The following RYR1 variants were observed in gnomAD, a reference collection of about 807,000 sequenced individuals.
RYR1 encodes ryanodine receptor 1.
RYR1 carries 342 observed loss-of-function variants against 583.5 expected under a neutral mutation model. The observed-to-expected ratio is 0.59, with a 90% CI of 0.54 to 0.64. RYR1 has a LOEUF of 0.64. RYR1 is among the 30% of genes least tolerant of loss of function. The pLI, the probability that RYR1 is intolerant of heterozygous loss-of-function variation, is 0.00. For missense variants in RYR1, 6,032 were observed against 6,917.2 expected (o/e 0.87, Z 4.54); for synonymous variants, 2,791 against 2,822.5 (o/e 0.99, Z 0.35).
At chr19:38,491,449 T>TTTTG (rs1969546739) in intron 37 of RYR1, among the ~76,000 whole-genome samples, 1 of 149,420 alleles carries the variant, frequency 6.7e-6, no homozygotes, top group African/African-American at 2.5e-5. Flanking sequence ...TTTTTTTTTT[T>TTTTG]GAGACGGTCT....
intron 91 of RYR1, among the ~76,000 whole-genome samples, chr19:38,566,556 TGTGGGAATGAA>T (rs1474173420): frequency 6.7e-6 from 1 of 150,100 alleles, no homozygotes; most frequent in Non-Finnish European, 1.5e-5. Flanking sequence ...AGATACTCGT[TGTGGGAATGAA>T]GTACACCGTG....
At chr19:38,535,079 G>A (rs1056547043) in intron 79 of RYR1, 62 bp from the exon 80 acceptor site, 43 of 1,537,952 alleles carry the variant, frequency 2.8e-5, no homozygotes, top group African/African-American at 5.4e-5. Context: ...GCTGTTTTCT[G>A]GTGGGTGGAA....
Position 38,442,334 on chromosome 19 carries a change from C to A in RYR1, c.166-15C>A, listed in dbSNP as rs943405475. 6 of 1,571,852 alleles carry A rather than the reference C, an allele frequency of 3.8e-6. No individual in the cohort carries two copies. Among genetic ancestry groups the A allele is most frequent in the Non-Finnish European group, 5.3e-6 (6 of 1,141,818 alleles). On this transcript the variant is annotated splice_polypyrimidine_tract_variant and intron_variant, in intron 2 of 105. Coordinates refer to ENST00000359596, the MANE Select transcript of RYR1 (RefSeq NM_000540.3). ...GGTCTTCTGACCCCTCACTTACATC[C>A]CCCTCCCACCCCAGAATGTGCCCCC...
intron 12 of RYR1, 136 bp downstream of exon 12, chr19:38,452,021 G>A (rs1360298739): frequency 1.6e-6 from 2 of 1,238,692 alleles, no homozygotes; most frequent in East Asian, 2.5e-5. Flanking sequence ...AAGCGCAGTG[G>A]CTCACACCTG....
rs1600649884 is a variant in RYR1 at position 38,446,524 on chromosome 19, GTGTC to G, written c.687_690del (p.Cys229Ter). ...GCCTCTTTCATGGACATATGGATGA[GTGTC>G]TGACCATTTCCCCTGCTGACAGTGA... On this transcript the variant is annotated frameshift_variant, in exon 8 of 106. Coordinates refer to ENST00000359596, the MANE Select transcript of RYR1 (RefSeq NM_000540.3). LOFTEE classifies it high-confidence loss of function. The G allele has an allele frequency of 1.2e-6, 2 of 1,614,232 alleles. No individual in the cohort carries two copies. Among genetic ancestry groups the G allele is most frequent in the East Asian group, 2.2e-5 (1 of 44,890 alleles).
chr19:38,560,729 CAAAAA>C (rs765130460), intron 89 of RYR1, among the ~76,000 whole-genome samples: 9 of 38,076 alleles, frequency 2.4e-4, no homozygotes, highest in Non-Finnish European at 3.8e-4. Context: ...AACTCCGTCT[CAAAAA>C]AAAAAAAAAA....
At chr19:38,443,517 C>T (rs537273173) in intron 3 of RYR1, 41 bp from the exon 4 acceptor site, 38 of 1,577,140 alleles carry the variant, frequency 2.4e-5, no homozygotes, top group South Asian at 2.4e-4. Flanking sequence ...CTGGAGAGTC[C>T]GGGGATCTGT....
chr19:38,446,775 C>T lies in RYR1; in HGVS notation c.800+7C>T, dbSNP rs762118960. ...TGGAGCCACTGAGAATCAGGTAGGG[C>T]GGGGAAGATGGGGAGAGACCAGGGA... On this transcript the variant is annotated splice_region_variant and intron_variant, in intron 9 of 105. Coordinates refer to ENST00000359596, the MANE Select transcript of RYR1 (RefSeq NM_000540.3). The T allele has an allele frequency of 2.2e-5, 35 of 1,611,898 alleles. No individual in the cohort carries two copies. Among genetic ancestry groups the T allele is most frequent in the South Asian group, 1.4e-4 (13 of 91,014 alleles).
chr19:38,455,051 G>A (rs1967292572), intron 13 of RYR1, among the ~76,000 whole-genome samples, 184 bp from the exon 14 acceptor site: 1 of 152,098 alleles, frequency 6.6e-6, no homozygotes, highest in Non-Finnish European at 1.5e-5. Flanking sequence ...AATAGATATG[G>A]GGAGCCAAGG....
chr19:38,578,993 C>T (rs1974080196), intron 99 of RYR1, among the ~76,000 whole-genome samples: 1 of 151,918 alleles, frequency 6.6e-6, no homozygotes, highest in South Asian at 2.1e-4. Flanking sequence ...TGGTGGTGCA[C>T]ACCTGTAGTC....
chr19:38,455,131 C>T, intron 13 of RYR1, 104 bp from the exon 14 acceptor site: 12 of 1,349,690 alleles, frequency 8.9e-6, no homozygotes, highest in South Asian at 1.2e-5. Flanking sequence ...TGGGAACACA[C>T]CGTCACTAGT....
chr19:38,561,519 C>G lies in RYR1; in HGVS notation c.12624+65C>G. On this transcript the variant is annotated intron_variant, in intron 90 of 105. Transcript: ENST00000359596. This position sits in a 1 kb window ranked among gnomAD's most constrained non-coding sequence, Gnocchi z 4.8. ...CTTCGGGCATGCGGGTGCTCACTTCCTGCACCCTCAGACCCCACGGGGGCT... is the reference window on the plus strand; with the variant it reads ...CTTCGGGCATGCGGGTGCTCACTTCGTGCACCCTCAGACCCCACGGGGGCT... 6.7e-7 allele frequency: 1 copy of G among 1,485,714 alleles called. No individual in the cohort carries two copies. The highest frequency in any genetic ancestry group is 1.2e-5 in the South Asian group (1 of 81,634). The allele number at this position is 1,485,714 out of a possible 1,614,324, so 92.0% of individuals were successfully genotyped here.
intron 84 of RYR1, among the ~76,000 whole-genome samples, chr19:38,542,083 C>A (rs1231867871): frequency 6.8e-6 from 1 of 148,130 alleles, no homozygotes; most frequent in Non-Finnish European, 1.5e-5. Flanking sequence ...AAAAAAAAAT[C>A]CCCCCCAAGG....
In RYR1 at chr19:38,480,049, A is replaced by C. The variant is rs1055822624; in HGVS notation, c.4620+1449A>C. Among the ~76,000 whole-genome samples the C allele has an allele frequency of 4.6e-5, 7 of 152,006 alleles. No homozygotes were observed. In the East Asian group the frequency reaches 9.7e-4, roughly 21 times the overall value. ...CTTTATGTTAAATGGAGAATTAAAAACGTATACAAGAATGGAATAGTATAA... is the reference window on the plus strand; with the variant it reads ...CTTTATGTTAAATGGAGAATTAAAACCGTATACAAGAATGGAATAGTATAA... On this transcript the variant is annotated intron_variant, in intron 31 of 105. Coordinates refer to ENST00000359596, the MANE Select transcript of RYR1 (RefSeq NM_000540.3).
chr19:38,541,898 G>A (rs1165609497), intron 84 of RYR1, among the ~76,000 whole-genome samples: 1 of 151,412 alleles, frequency 6.6e-6, no homozygotes, highest in African/African-American at 2.4e-5. Flanking sequence ...GCCTGGGCTG[G>A]TCTCAACAAA....
intron 75 of RYR1, 102 bp downstream of exon 75, chr19:38,528,797 G>T (rs1475240158): frequency 6.9e-7 from 1 of 1,439,218 alleles, no homozygotes; most frequent in Non-Finnish European, 9.7e-7. Flanking sequence ...CACATCAAGG[G>T]GTATAGAAAT....
At position 38,443,647 on chromosome 19, in the gene RYR1, G is replaced by GGTGGGC; in HGVS notation, c.345+22_345+27dup. On this transcript the variant is annotated intron_variant, in intron 4 of 105. Transcript: ENST00000359596. The stretch of plus-strand genomic sequence containing the variant: ...ACAGCCGCATGGTGAGTGCAACCTC[G>GGTGGGC]GTGGGCGTGGGCAGGGGCCAGGGCA... 1 of 1,614,114 alleles carries GGTGGGC rather than the reference G, an allele frequency of 6.2e-7. No homozygotes were observed. The highest frequency in any genetic ancestry group is 8.5e-7 in the Non-Finnish European group (1 of 1,179,996).
At chr19:38,545,827 A>G (rs1972398549) in intron 87 of RYR1, among the ~76,000 whole-genome samples, 1 of 152,180 alleles carries the variant, frequency 6.6e-6, no homozygotes, top group African/African-American at 2.4e-5. Context: ...GAAAGAAATT[A>G]CCACTTTGTG....
chr19:38,577,036 C>A (rs968835182), intron 97 of RYR1, among the ~76,000 whole-genome samples: 1 of 152,044 alleles, frequency 6.6e-6, no homozygotes, highest in Non-Finnish European at 1.5e-5. Context: ...CAGGCACCCA[C>A]CACCACGTCT....
Sources: gnomAD v4.1 joint callset for allele counts (sites outside exome capture counted in the v4.1 genomes callset) on GRCh38, gnomAD v4.1.1 for gene constraint, Gnocchi (gnomAD v3.1) non-coding constraint, MANE v1.5 for transcripts, NCBI Gene and HGNC (gene_info 2026-07-23, HGNC 2026-07-21) for gene names.